The following GDAP1 variants were observed in gnomAD, a reference collection of about 807,000 sequenced individuals.
The protein encoded by GDAP1 is ganglioside induced differentiation associated protein 1, also known as ganglioside-induced differentiation-associated protein 1.
Under a neutral mutation model 40.1 loss-of-function variants are expected in GDAP1, and 34 were observed. The observed-to-expected ratio is 0.85, with a 90% CI of 0.64 to 1.13. The LOEUF is 1.13. Ranked by LOEUF, GDAP1 falls within the 50% of genes most tolerant of loss-of-function variation. GDAP1 has a pLI of 0.00. For synonymous variants in GDAP1, 170 were observed against 157.4 expected (o/e 1.08, Z -0.60); for missense variants, 374 against 433.7 (o/e 0.86, Z 1.22).
At chr8:74,410,803 G>A (rs1805699653) in intron 2 of GDAP1, among the ~76,000 whole-genome samples, 1 of 150,286 alleles carries the variant, frequency 6.7e-6, no homozygotes, top group Non-Finnish European at 1.5e-5. Flanking sequence ...ATGTTGAAGT[G>A]TGTTCTTATG....
rs1810267310 is a variant in GDAP1, at chr8:74,399,075, G to C, written c.165+47754G>C. On this transcript the variant is annotated intron_variant, in intron 2 of 2. Transcript: ENST00000523640. ...GATACTGGCCTCATAAAATGAGTTAGGGAGGATTTCCTCTTTTTCTATTGA... is the reference window on the plus strand; with the variant it reads ...GATACTGGCCTCATAAAATGAGTTACGGAGGATTTCCTCTTTTTCTATTGA... Among the ~76,000 whole-genome samples, 5 of 152,060 alleles carry C rather than the reference G, an allele frequency of 3.3e-5. No individual in the cohort carries two copies. In the South Asian group the frequency reaches 1.0e-3, roughly 31 times the overall value.
At chr8:74,464,199 A>C (rs529845233) in intron 2 of GDAP1, among the ~76,000 whole-genome samples, 1 of 152,328 alleles carries the variant, frequency 6.6e-6, no homozygotes, top group East Asian at 1.9e-4. Context: ...AAAGTGTGGA[A>C]TGATTAGTCA....
intron 2 of GDAP1, among the ~76,000 whole-genome samples, chr8:74,384,166 TATATA>T (rs1317023895): frequency 4.6e-5 from 7 of 152,218 alleles, no homozygotes; most frequent in African/African-American, 1.7e-4. Flanking sequence ...AGTCCATTAA[TATATA>T]ATGTAAGTTA....
chr8:74,453,225 A>C (rs1296376845), intron 2 of GDAP1, among the ~76,000 whole-genome samples: 1 of 84,244 alleles, frequency 1.2e-5, no homozygotes, highest in African/African-American at 5.2e-5. Flanking sequence ...TGAAAAACTT[A>C]ATTGTTTACA....
chr8:74,418,039 G>A lies in GDAP1; in HGVS notation c.165+66718G>A, dbSNP rs112688612. ...ATTGCTGATGAAAGAAATCTAAGAA[G>A]GCCTAGATAAGTGGAGAGACAAATT... On this transcript the variant is annotated intron_variant, in intron 2 of 2. Coordinates refer to the GDAP1 transcript ENST00000523640. 4.6e-3 allele frequency among the ~76,000 whole-genome samples: 694 copies of A among 152,234 alleles called. 7 individuals carry two copies. The highest frequency in any genetic ancestry group is 0.014 in the African/African-American group (595 of 41,528).
At chr8:74,465,507 TTCTC>T (rs1227521651) in intron 2 of GDAP1, among the ~76,000 whole-genome samples, 8 of 152,148 alleles carry the variant, frequency 5.3e-5, no homozygotes, top group Admixed American at 1.3e-4. Flanking sequence ...GCCTGATAGG[TTCTC>T]CACTTCTCCT....
At chr8:74,466,355 G>A (rs887086374) in intron 2 of GDAP1, among the ~76,000 whole-genome samples, 36 of 152,158 alleles carry the variant, frequency 2.4e-4, no homozygotes, top group African/African-American at 8.0e-4. Flanking sequence ...TCTGATTTGA[G>A]TTAGATTTTA....
chr8:74,422,027 A>G (rs1010313336), intron 2 of GDAP1, among the ~76,000 whole-genome samples: 3 of 152,152 alleles, frequency 2.0e-5, no homozygotes, highest in Admixed American at 6.6e-5. Flanking sequence ...GGGAAAGGGT[A>G]GAATCCATTT....
chr8:74,412,025 G>A (rs1268673529), intron 2 of GDAP1, among the ~76,000 whole-genome samples: 2 of 150,016 alleles, frequency 1.3e-5, no homozygotes, highest in South Asian at 2.1e-4. Context: ...ATTAAGGGTA[G>A]TATTTTATTT....
Position 74,365,118 on chromosome 8 carries a change from A to G in GDAP1, c.*751A>G, listed in dbSNP as rs544136357. 468 of 453,974 alleles carry G rather than the reference A, an allele frequency of 1.0e-3. 2 individuals are homozygous for G. Among genetic ancestry groups the G allele is most frequent in the Non-Finnish European group, 1.8e-3 (416 of 226,812 alleles). 28.1% of individuals were successfully genotyped at this position (453,974 alleles called of 1,614,324 possible). On this transcript the variant is annotated 3_prime_UTR_variant, in exon 6 of 6. Coordinates refer to ENST00000220822, the MANE Select transcript of GDAP1 (RefSeq NM_018972.4). Reference sequence around the variant, plus strand: ...GGCATCTGTAGCCCTCTTCATACACATAAGTGGCATTTAGGTGAATGTCCC... The same window carrying G: ...GGCATCTGTAGCCCTCTTCATACACGTAAGTGGCATTTAGGTGAATGTCCC...
chr8:74,440,982 A>AG (rs1416197141), intron 2 of GDAP1, among the ~76,000 whole-genome samples: 2 of 119,932 alleles, frequency 1.7e-5, no homozygotes, highest in Non-Finnish European at 3.4e-5. Context: ...CTCTTTAAGA[A>AG]GATGCTTCAA....
intron 2 of GDAP1, among the ~76,000 whole-genome samples, chr8:74,396,512 C>A (rs1280789393): frequency 2.0e-5 from 3 of 151,952 alleles, no homozygotes; most frequent in Admixed American, 6.6e-5. Context: ...CCCATCCCCC[C>A]ACCCCACAAC....
At chr8:74,461,839 G>A (rs146135812) in intron 2 of GDAP1, among the ~76,000 whole-genome samples, 1 of 152,192 alleles carries the variant, frequency 6.6e-6, no homozygotes, top group Admixed American at 6.5e-5. Context: ...CAAAAATGCA[G>A]GTGCAGCTAT....
At chr8:74,458,768 A>T (rs1170086361) in intron 2 of GDAP1, among the ~76,000 whole-genome samples, 1 of 152,114 alleles carries the variant, frequency 6.6e-6, no homozygotes, top group African/African-American at 2.4e-5. Context: ...TTGCAGATGA[A>T]TCAATTGTAG....
intron 2 of GDAP1, among the ~76,000 whole-genome samples, chr8:74,442,556 C>T (rs1806175961): frequency 6.6e-6 from 1 of 152,176 alleles, no homozygotes; most frequent in Non-Finnish European, 1.5e-5. Context: ...TATGTCTACA[C>T]AATTTCAAGA....
At chr8:74,426,773 G>C (rs1471959448) in intron 2 of GDAP1, among the ~76,000 whole-genome samples, 1 of 152,062 alleles carries the variant, frequency 6.6e-6, no homozygotes, top group African/African-American at 2.4e-5. Context: ...ATGCTGTCAT[G>C]TTCTCAGGCC....
rs187308930 is a variant in GDAP1 at position 74,400,167 on chromosome 8, A to G, written c.165+48846A>G. Among the ~76,000 whole-genome samples, 150 of 149,558 alleles carry G rather than the reference A, an allele frequency of 1.0e-3. 2 individuals carry two copies. The highest frequency in any genetic ancestry group is 1.7e-3 in the Admixed American group (26 of 15,232). On this transcript the variant is annotated intron_variant, in intron 2 of 2. Coordinates refer to the GDAP1 transcript ENST00000523640. ...CCGTGGGGTGTTAAAGTCTCCTATGATTATTGTGTGGGAGTCTAAGTCTCT... is the reference window on the plus strand; with the variant it reads ...CCGTGGGGTGTTAAAGTCTCCTATGGTTATTGTGTGGGAGTCTAAGTCTCT...
Position 74,390,792 on chromosome 8 carries a change from A to T in GDAP1, c.165+39471A>T, listed in dbSNP as rs185278130. Among the ~76,000 whole-genome samples, 564 of 152,166 alleles carry T rather than the reference A, an allele frequency of 3.7e-3. 3 individuals carry two copies. Among genetic ancestry groups the T allele is most frequent in the Non-Finnish European group, 4.6e-3 (314 of 67,988 alleles). ...TGAGACTGCGCCCACAGCTGTCCCTACTCCCAGGTGCTCTGTCCCAGGGAG... is the reference window on the plus strand; with the variant it reads ...TGAGACTGCGCCCACAGCTGTCCCTTCTCCCAGGTGCTCTGTCCCAGGGAG... On this transcript the variant is annotated intron_variant, in intron 2 of 2. Coordinates refer to the GDAP1 transcript ENST00000523640.
At chr8:74,379,583 T>C (rs1406607751) in intron 2 of GDAP1, among the ~76,000 whole-genome samples, 2 of 152,150 alleles carry the variant, frequency 1.3e-5, no homozygotes, top group Non-Finnish European at 2.9e-5. Flanking sequence ...AATTCCCATA[T>C]GTAAAAATGA....
Sources: gnomAD v4.1 joint callset for allele counts (sites outside exome capture counted in the v4.1 genomes callset) on GRCh38, gnomAD v4.1.1 for gene constraint, MANE v1.5 for transcripts, NCBI Gene and HGNC (gene_info 2026-07-23, HGNC 2026-07-21) for gene names.